HNRNPA2B1: variants seen among roughly 807,000 people sequenced by gnomAD.
HNRNPA2B1 encodes heterogeneous nuclear ribonucleoprotein A2/B1.
A neutral mutation model predicts 46.3 loss-of-function variants in HNRNPA2B1; 3 were observed. That is an observed-to-expected ratio of 0.06 (90% CI 0.03 to 0.17). The LOEUF is 0.17. Ranked by LOEUF, HNRNPA2B1 falls within the 10% of genes least tolerant of loss-of-function variation. The pLI is 1.00. For missense variants in HNRNPA2B1, 221 were observed against 418.9 expected, an observed-to-expected ratio of 0.53 and a Z score of 4.12; for synonymous variants, 225 against 133.8, an observed-to-expected ratio of 1.68 and a Z score of -4.70.
In HNRNPA2B1 at chr7:26,190,251, TA is replaced by T. The variant is rs1474270588; in HGVS notation, c.*2108del. 2 of 152,668 alleles carry T rather than the reference TA, an allele frequency of 1.3e-5. No individual in the cohort carries two copies. Among genetic ancestry groups the T allele is most frequent in the Non-Finnish European group, 2.9e-5 (2 of 68,036 alleles). The allele number at this position is 152,668 out of a possible 1,614,324, so 9.5% of individuals were successfully genotyped here. A position where few individuals can be genotyped will look rare whatever the true frequency, so the allele number is the denominator to read the frequency against. ...TCTAGCCAATTTGATGTTACTGTTTTACAAACAACACTCATTTTGTAATTGT... is the reference window on the plus strand; with the variant it reads ...TCTAGCCAATTTGATGTTACTGTTTTCAAACAACACTCATTTTGTAATTGT... On this transcript the variant is annotated 3_prime_UTR_variant, in exon 11 of 11. Transcript: ENST00000618183.
intron 1 of HNRNPA2B1, 105 bp downstream of exon 1, chr7:26,200,467 C>T: frequency 2.6e-6 from 3 of 1,166,180 alleles, no homozygotes; most frequent in South Asian, 2.4e-5. Flanking sequence ...TGAATTGGTC[C>T]GATTTCCTGC....
Position 26,200,733 on chromosome 7 carries a change from G to A in HNRNPA2B1, c.-156C>T, listed in dbSNP as rs200014310. On this transcript the variant is annotated 5_prime_UTR_variant, in exon 1 of 11. Coordinates refer to ENST00000618183, the MANE Select transcript of HNRNPA2B1 (RefSeq NM_002137.4). Reference sequence around the variant, plus strand: ...GAGGAGCACCTCCGCACGGGACCCGGCGCTGCTGCTACTGCCGCTAGAGCC... The same window carrying A: ...GAGGAGCACCTCCGCACGGGACCCGACGCTGCTGCTACTGCCGCTAGAGCC... 31 of 918,316 alleles carry A rather than the reference G, an allele frequency of 3.4e-5. No individual in the cohort carries two copies. Among genetic ancestry groups the A allele is most frequent in the African/African-American group, 8.1e-5 (5 of 61,558 alleles). The allele number at this position is 918,316 out of a possible 1,614,324, so 56.9% of individuals were successfully genotyped here.
chr7:26,195,166 T>C (rs1052430674), intron 7 of HNRNPA2B1, among the ~76,000 whole-genome samples: 2 of 150,332 alleles, frequency 1.3e-5, no homozygotes, highest in Non-Finnish European at 3.0e-5. Context: ...AACTTGTAGT[T>C]AAATACAAGA....
At chr7:26,200,350 C>A (rs990472213) in intron 1 of HNRNPA2B1, 1 of 608,062 alleles carries the variant, frequency 1.6e-6, no homozygotes, top group Non-Finnish European at 3.0e-6. Flanking sequence ...CCATCCCCCA[C>A]CCCCAGTGAA....
chr7:26,200,104 G>A lies in HNRNPA2B1; in HGVS notation c.6+468C>T, dbSNP rs1035922759. Reference sequence around the variant, plus strand: ...ACTAAGAAAATAAAAGAGTTATAAGGAAAACGCTGAGAGGAAGGCGAGCCA... The same window carrying A: ...ACTAAGAAAATAAAAGAGTTATAAGAAAAACGCTGAGAGGAAGGCGAGCCA... On this transcript the variant is annotated intron_variant, in intron 1 of 10. Coordinates refer to ENST00000618183, the MANE Select transcript of HNRNPA2B1 (RefSeq NM_002137.4). The A allele has an allele frequency of 6.2e-5, 12 of 195,004 alleles. No homozygotes were observed. The South Asian group carries it at 7.9e-4, about 13-fold the overall frequency. The allele number at this position is 195,004 out of a possible 1,614,324, so 12.1% of individuals were successfully genotyped here.
chr7:26,192,497 A>G lies in HNRNPA2B1; in HGVS notation c.*19T>C. ...TGTAAAACTCAAAAGCTACTTACCC[A>G]TGGCAAATAGGAAGAAGCTCAGTAT... On this transcript the variant is annotated splice_region_variant and 3_prime_UTR_variant, in exon 10 of 11. Transcript: ENST00000618183. The G allele has an allele frequency of 6.2e-7, 1 of 1,603,720 alleles. No individual in the cohort carries two copies. The highest frequency in any genetic ancestry group is 1.3e-5 in the African/African-American group (1 of 74,830).
Position 26,196,674 on chromosome 7 carries a change from C to A in HNRNPA2B1, c.476-16G>T. The stretch of plus-strand genomic sequence containing the variant: ...TATTTCTGCACTGGAATGAAAAATT[C>A]AGACTCCTTTTAAATTAAATCAACA... On this transcript the variant is annotated splice_polypyrimidine_tract_variant and intron_variant, in intron 4 of 10. Coordinates refer to ENST00000618183, the MANE Select transcript of HNRNPA2B1 (RefSeq NM_002137.4). 1 of 1,600,688 alleles carries A rather than the reference C, an allele frequency of 6.2e-7. No homozygotes were observed. The highest frequency in any genetic ancestry group is 1.1e-5 in the South Asian group (1 of 89,944).
chr7:26,193,999 T>C (rs1037806641), intron 7 of HNRNPA2B1, among the ~76,000 whole-genome samples: 2 of 152,240 alleles, frequency 1.3e-5, no homozygotes, highest in African/African-American at 4.8e-5. Flanking sequence ...ACTGTGAGGC[T>C]AGACTAGTAG....
At position 26,195,927 on chromosome 7, in the gene HNRNPA2B1, A is replaced by T. The variant is rs747870481; in HGVS notation, c.659-18T>A. 16 of 1,596,346 alleles carry T rather than the reference A, an allele frequency of 1.0e-5. No individual in the cohort carries two copies. The highest frequency in any genetic ancestry group is 9.1e-5 in the South Asian group (8 of 87,678). ...ATATCCATCTGTTAGGGGCCAAAAA[A>T]AGATTACGTTTACTATAAACTGTTC... On this transcript the variant is annotated intron_variant, in intron 6 of 10. Transcript: ENST00000618183.
Position 26,189,986 on chromosome 7 carries a change from C to T in HNRNPA2B1, c.*2374G>A, listed in dbSNP as rs1279175105. 1 of 152,206 alleles carries T rather than the reference C, an allele frequency of 6.6e-6. No homozygotes were observed. The highest frequency in any genetic ancestry group is 2.4e-5 in the African/African-American group (1 of 41,444). 9.4% of individuals were successfully genotyped at this position (152,206 alleles called of 1,614,324 possible). A position where few individuals can be genotyped will look rare whatever the true frequency, so the allele number is the denominator to read the frequency against. On this transcript the variant is annotated 3_prime_UTR_variant, in exon 11 of 11. Transcript: ENST00000618183. ...AGCCAATAATGTCCACAATGCTCTTCTCATTTACCTGTTAATATTAAAATA... is the reference window on the plus strand; with the variant it reads ...AGCCAATAATGTCCACAATGCTCTTTTCATTTACCTGTTAATATTAAAATA...
At chr7:26,193,977 T>C (rs1028804454) in intron 7 of HNRNPA2B1, among the ~76,000 whole-genome samples, 10 of 152,178 alleles carry the variant, frequency 6.6e-5, no homozygotes, top group African/African-American at 2.2e-4. Flanking sequence ...TTCATGTATA[T>C]TGTGGGTAAG....
Position 26,197,573 on chromosome 7 carries a change from C to T in HNRNPA2B1, c.117+49G>A, listed in dbSNP as rs367924492. 3.5e-5 allele frequency: 54 copies of T among 1,563,122 alleles called. 1 individual carries two copies. The highest frequency in any genetic ancestry group is 4.8e-5 in the Non-Finnish European group (54 of 1,135,828). The stretch of plus-strand genomic sequence containing the variant: ...GTTATTTCCTCCATGATTCACTTAA[C>T]ATACAGCTAAAAGACTAATATCCAG... On this transcript the variant is annotated intron_variant, in intron 2 of 10. Transcript: ENST00000618183.
rs765212766 is a variant in HNRNPA2B1 at position 26,196,501 on chromosome 7, T to A, written c.578-20A>T. ...AGTTGCCTACAATAAATGCCCCAGT[T>A]AGAAGCAAGCCCTTATATATGAACA... On this transcript the variant is annotated intron_variant, in intron 5 of 10. Transcript: ENST00000618183. 6.2e-7 allele frequency: 1 copy of A among 1,613,942 alleles called. No homozygotes were observed. The highest frequency in any genetic ancestry group is 2.2e-5 in the East Asian group (1 of 44,880).
rs1049938 is a variant in HNRNPA2B1, at chr7:26,190,552, A to C, written c.*1808T>G. 8,836 of 152,360 alleles carry C rather than the reference A, an allele frequency of 0.058. 643 individuals carry two copies. Among genetic ancestry groups the C allele is most frequent in the African/African-American group, 0.17 (6,931 of 41,554 alleles). 9.4% of individuals were successfully genotyped at this position (152,360 alleles called of 1,614,324 possible). On this transcript the variant is annotated 3_prime_UTR_variant, in exon 11 of 11. Transcript: ENST00000618183. ...TCAGTGGTGGTCTTAGGATCAAAGA[A>C]GACTCATTGGTGTATAGAGTAAGCC...
In HNRNPA2B1 at chr7:26,196,478, T is replaced by C. The variant is rs772251120; in HGVS notation, c.581A>G (p.Asn194Ser). 8.7e-6 allele frequency: 14 copies of C among 1,614,108 alleles called. No individual in the cohort carries two copies. Among genetic ancestry groups the C allele is most frequent in the South Asian group, 2.2e-5 (2 of 91,078 alleles). Residue 194 changes from asparagine to serine, a missense_variant, in exon 6 of 11, where the codon AAC becomes AGC. Asn to Ser is a conservative substitution (Grantham distance 46). This residue lies in a region of HNRNPA2B1 where 143 missense variants were observed against 200.5 expected (regional missense o/e 0.71). Transcript: ENST00000618183. ...ACCACGTGAATCCCCAAAGCCAAAG[T>C]TGCCTACAATAAATGCCCCAGTTAG... ...VQSSRSGRGGNFGFGDSRGGG... is the reference protein window; with the variant it reads ...VQSSRSGRGGSFGFGDSRGGG...
chr7:26,198,208 C>T (rs1181977152), intron 1 of HNRNPA2B1: 2 of 196,504 alleles, frequency 1.0e-5, no homozygotes, highest in Non-Finnish European at 1.0e-5. Context: ...TTTCACTATT[C>T]AATATCTGAA....
Position 26,190,241 on chromosome 7 carries a change from G to A in HNRNPA2B1, c.*2119C>T, listed in dbSNP as rs1042866964. 3 of 152,612 alleles carry A rather than the reference G, an allele frequency of 2.0e-5. No individual in the cohort carries two copies. The highest frequency in any genetic ancestry group is 1.3e-4 in the Admixed American group (2 of 15,282). The allele number at this position is 152,612 out of a possible 1,614,324, so 9.5% of individuals were successfully genotyped here. A position where few individuals can be genotyped will look rare whatever the true frequency, so the allele number is the denominator to read the frequency against. ...CATTTATCTCTCTAGCCAATTTGAT[G>A]TTACTGTTTTACAAACAACACTCAT... is the stretch of plus-strand genomic sequence containing the variant. On this transcript the variant is annotated 3_prime_UTR_variant, in exon 11 of 11. Transcript: ENST00000618183.
intron 1 of HNRNPA2B1, chr7:26,198,293 T>C (rs1783898967): frequency 6.5e-6 from 1 of 154,566 alleles, no homozygotes; most frequent in Admixed American, 6.5e-5. Flanking sequence ...AACACAACTT[T>C]TTACAACAAA....
At chr7:26,195,666 T>G in intron 7 of HNRNPA2B1, 181 bp downstream of exon 7, 1 of 600,438 alleles carries the variant, frequency 1.7e-6, no homozygotes, top group Non-Finnish European at 2.8e-6. Flanking sequence ...TGGCACTCTA[T>G]TCCTTAGGCT....
Sources: allele counts gnomAD v4.1 joint callset (sites outside exome capture counted in the v4.1 genomes callset), GRCh38; gene constraint gnomAD v4.1.1; regional missense constraint gnomAD v4.1.1; transcripts MANE v1.5; gene names NCBI Gene and HGNC (gene_info 2026-07-23, HGNC 2026-07-21).